Variants in ADGRL2 observed in about 807,000 individuals in gnomAD.
ADGRL2 encodes calcium-independent alpha-latrotoxin receptor 2.
ADGRL2 carries 44 observed loss-of-function variants against 157.4 expected under a neutral mutation model. The ratio of observed to expected loss-of-function variants is 0.28; its 90% CI spans 0.22 to 0.36. The LOEUF is 0.36. Ranked by LOEUF, ADGRL2 falls within the 10% of genes least tolerant of loss-of-function variation. The pLI is 1.00. For missense variants in ADGRL2, 1,510 were observed against 1,768.9 expected, an observed-to-expected ratio of 0.85 and a Z score of 2.63; for synonymous variants, 585 against 624.7, an observed-to-expected ratio of 0.94 and a Z score of 0.95.
At chr1:81,606,097 T>C (rs1051232485) in intron 3 of ADGRL2, among the ~76,000 whole-genome samples, 26 of 152,206 alleles carry the variant, frequency 1.7e-4, no homozygotes, top group African/African-American at 6.3e-4. Context: ...TAGCTTGTCG[T>C]GAGCTCCTCT....
At chr1:81,887,374 A>G (rs936144824) in intron 2 of ADGRL2, among the ~76,000 whole-genome samples, 7 of 152,220 alleles carry the variant, frequency 4.6e-5, no homozygotes, top group Non-Finnish European at 8.8e-5. Flanking sequence ...AGTGCTTTTC[A>G]AATTGTGATT....
At chr1:81,664,859 GA>G (rs1041766910) in intron 3 of ADGRL2, among the ~76,000 whole-genome samples, 1 of 152,026 alleles carries the variant, frequency 6.6e-6, no homozygotes, top group African/African-American at 2.4e-5. Flanking sequence ...ATTTTAGACT[GA>G]AACTGACTTA....
chr1:81,313,911 A>T (rs1397338104), intron 1 of ADGRL2, among the ~76,000 whole-genome samples: 1 of 152,096 alleles, frequency 6.6e-6, no homozygotes, highest in Non-Finnish European at 1.5e-5. Flanking sequence ...TAGTATTGAT[A>T]TTTCTCTCCT....
chr1:81,939,912 G>T (rs1014714470), intron 4 of ADGRL2, among the ~76,000 whole-genome samples: 2 of 151,044 alleles, frequency 1.3e-5, no homozygotes, highest in African/African-American at 2.4e-5. Flanking sequence ...ATCATCAAAG[G>T]TTTATAATAT....
At chr1:81,582,731 C>T (rs1214598373) in intron 3 of ADGRL2, among the ~76,000 whole-genome samples, 4 of 152,098 alleles carry the variant, frequency 2.6e-5, no homozygotes, top group Non-Finnish European at 5.9e-5. Flanking sequence ...AAAAACAATC[C>T]TTCGTAAAAT....
chr1:81,559,427 T>A (rs2080389199), intron 2 of ADGRL2, among the ~76,000 whole-genome samples: 1 of 151,404 alleles, frequency 6.6e-6, no homozygotes, highest in African/African-American at 2.4e-5. Flanking sequence ...ACGTGGTCTG[T>A]GCCCAATAAG....
chr1:81,605,573 T>A (rs1027522002), intron 3 of ADGRL2, among the ~76,000 whole-genome samples: 5 of 152,212 alleles, frequency 3.3e-5, no homozygotes, highest in Admixed American at 3.3e-4. Flanking sequence ...GAAGATAGCA[T>A]GAGTGTGTAC....
chr1:81,965,978 A>C (rs1656920691), intron 11 of ADGRL2, 80 bp from the exon 12 acceptor site: 1 of 1,403,216 alleles, frequency 7.1e-7, no homozygotes, highest in African/African-American at 1.4e-5. Flanking sequence ...AGTAGTTTCC[A>C]TACAGTTATC....
At chr1:81,739,454 C>G (rs1327622333) in intron 1 of ADGRL2, among the ~76,000 whole-genome samples, 1 of 152,100 alleles carries the variant, frequency 6.6e-6, no homozygotes, top group African/African-American at 2.4e-5. Flanking sequence ...GAAACAACAC[C>G]ATCAGCTTAC....
At chr1:81,766,292 T>A (rs1215832298) in intron 2 of ADGRL2, among the ~76,000 whole-genome samples, 1 of 152,188 alleles carries the variant, frequency 6.6e-6, no homozygotes, top group Admixed American at 6.5e-5. Context: ...ATATCTTTCT[T>A]GATGAGTGGT....
At chr1:81,451,745 C>G (rs1453044818) in intron 2 of ADGRL2, among the ~76,000 whole-genome samples, 1 of 152,128 alleles carries the variant, frequency 6.6e-6, no homozygotes, top group South Asian at 2.1e-4. Context: ...AAATCCTATG[C>G]AGTCTTATAC....
chr1:81,604,946 A>ATTGG (rs1023166429), intron 3 of ADGRL2, among the ~76,000 whole-genome samples: 26 of 152,164 alleles, frequency 1.7e-4, no homozygotes, highest in African/African-American at 6.3e-4. Flanking sequence ...TTTTACCACC[A>ATTGG]TTGGTTTTTC....
chr1:81,474,791 A>G (rs1463834309), intron 2 of ADGRL2, among the ~76,000 whole-genome samples: 1 of 152,142 alleles, frequency 6.6e-6, no homozygotes, highest in Non-Finnish European at 1.5e-5. Flanking sequence ...AATTTCTTCC[A>G]TCATTCATGG....
At chr1:81,738,647 T>A (rs1158901698) in intron 1 of ADGRL2, among the ~76,000 whole-genome samples, 1 of 152,200 alleles carries the variant, frequency 6.6e-6, no homozygotes, top group Non-Finnish European at 1.5e-5. Context: ...TATCCTTTTT[T>A]CTGTTATGCA....
At chr1:81,946,476 T>C (rs913622369) in intron 6 of ADGRL2, among the ~76,000 whole-genome samples, 6 of 151,992 alleles carry the variant, frequency 3.9e-5, no homozygotes, top group Admixed American at 3.9e-4. Context: ...AAAAACACTT[T>C]CCAGTCCTGT....
chr1:81,976,876 G>C (rs1176071529), intron 17 of ADGRL2, among the ~76,000 whole-genome samples: 2 of 151,790 alleles, frequency 1.3e-5, no homozygotes, highest in Non-Finnish European at 2.9e-5. Flanking sequence ...AACATAAATA[G>C]GATTTCTTTG....
At chr1:81,829,388 T>C (rs1254992413) in intron 1 of ADGRL2, among the ~76,000 whole-genome samples, 2 of 152,182 alleles carry the variant, frequency 1.3e-5, no homozygotes, top group Non-Finnish European at 2.9e-5. Context: ...TCCTTTTGTT[T>C]TGAGTTTTAC....
chr1:81,721,654 G>A lies in ADGRL2; in HGVS notation c.-143+21846G>A, dbSNP rs970997834. ...CAAGCCAGCGCCTGGGCCTGGAACC[G>A]GGCTGCAGCTCTTCAGCTTCGCCCA... On this transcript the variant is annotated intron_variant, in intron 1 of 20. Transcript: ENST00000359929. The A allele has an allele frequency of 6.3e-4, 580 of 924,692 alleles. 10 individuals carry two copies. Among genetic ancestry groups the A allele is most frequent in the Middle Eastern group, 3.5e-4 (1 of 2,874 alleles). 57.3% of individuals were successfully genotyped at this position (924,692 alleles called of 1,614,324 possible). A position where few individuals can be genotyped will look rare whatever the true frequency, so the allele number is the denominator to read the frequency against.
At chr1:81,965,367 C>A (rs937451328) in intron 11 of ADGRL2, among the ~76,000 whole-genome samples, 8 of 152,236 alleles carry the variant, frequency 5.3e-5, no homozygotes, top group Middle Eastern at 3.4e-3. Flanking sequence ...AAATGGCATG[C>A]CAGGCTTGGC....
Sources: gnomAD v4.1 joint callset for allele counts (sites outside exome capture counted in the v4.1 genomes callset) on GRCh38, gnomAD v4.1.1 for gene constraint, MANE v1.5 for transcripts, NCBI Gene and HGNC (gene_info 2026-07-23, HGNC 2026-07-21) for gene names.